ESRRB: variants seen among roughly 807,000 people sequenced by gnomAD.
ESRRB encodes the protein estrogen related receptor beta.
Under a neutral mutation model 46.0 loss-of-function variants are expected in ESRRB, and 16 were observed. That is an observed-to-expected ratio of 0.35 (90% CI 0.24 to 0.53). The LOEUF (loss-of-function observed/expected upper bound fraction) is 0.53. Among genes scored for constraint, ESRRB ranks in the 20% least tolerant of loss-of-function variants. ESRRB has a pLI of 0.93. For synonymous variants in ESRRB, 246 were observed against 259.6 expected (o/e 0.95, Z 0.50); for missense variants, 488 against 607.4 (o/e 0.80, Z 2.07).
chr14:76,499,273 G>A lies in ESRRB; in HGVS notation c.*815G>A, dbSNP rs1056424649. The A allele has an allele frequency of 3.3e-5, 8 of 244,738 alleles. No individual in the cohort carries two copies. Among genetic ancestry groups the A allele is most frequent in the Non-Finnish European group, 6.4e-5 (8 of 124,164 alleles). 15.2% of individuals were successfully genotyped at this position (244,738 alleles called of 1,614,324 possible). A position where few individuals can be genotyped will look rare whatever the true frequency, so the allele number is the denominator to read the frequency against. On this transcript the variant is annotated 3_prime_UTR_variant, in exon 7 of 7. Transcript: ENST00000644823. ...ACGCGCTGGCACAGAGAAGAGCGGG[G>A]ACCACACCATCCTCCCAAGAACCCT... is the stretch of plus-strand genomic sequence containing the variant.
At chr14:76,445,098 G>A (rs1266775527) in intron 2 of ESRRB, among the ~76,000 whole-genome samples, 1 of 151,096 alleles carries the variant, frequency 6.6e-6, no homozygotes. Flanking sequence ...CTTGAGCCCA[G>A]GAGTTTGGAG....
At chr14:76,381,936 T>C (rs893270234) in intron 1 of ESRRB, among the ~76,000 whole-genome samples, 2 of 152,088 alleles carry the variant, frequency 1.3e-5, no homozygotes, top group Non-Finnish European at 2.9e-5. Flanking sequence ...CTCCTATGAG[T>C]GTACTTGTAT....
In ESRRB at chr14:76,498,226, T is replaced by A. The variant is rs771486766; in HGVS notation, c.1133T>A (p.Ile378Asn). 6.2e-7 allele frequency: 1 copy of A among 1,613,594 alleles called. No homozygotes were observed. The highest frequency in any genetic ancestry group is 1.3e-5 in the African/African-American group (1 of 74,882). ...CTTGTGCCTGCAGATTCCATGTACA[T>A]CGAGGATCTAGAGGCTGTCCAGAAG... is the stretch of plus-strand genomic sequence containing the variant. Reference protein sequence around the residue: ...LALANSDSMYIEDLEAVQKLQ... With the variant: ...LALANSDSMYNEDLEAVQKLQ... Residue 378 changes from isoleucine (I) to asparagine (N), a missense_variant, in exon 7 of 7, where the codon ATC (isoleucine) becomes AAC (asparagine). Physicochemically the swap from Ile to Asn is moderately radical, Grantham distance 149. Coordinates refer to ENST00000644823, the MANE Select transcript of ESRRB (RefSeq NM_001379180.1).
intron 1 of ESRRB, among the ~76,000 whole-genome samples, chr14:76,353,236 T>A (rs1884336119): frequency 6.6e-6 from 1 of 152,238 alleles, no homozygotes; most frequent in Non-Finnish European, 1.5e-5. Flanking sequence ...CTTGCCCTCC[T>A]GGTTCTAACC....
intron 2 of ESRRB, among the ~76,000 whole-genome samples, chr14:76,456,866 G>C (rs1888636274): frequency 6.6e-6 from 1 of 152,150 alleles, no homozygotes. Flanking sequence ...AGAGATGAAA[G>C]GGATGGTCCC....
At chr14:76,408,219 G>A (rs771620974) in intron 1 of ESRRB, among the ~76,000 whole-genome samples, 25 of 152,094 alleles carry the variant, frequency 1.6e-4, no homozygotes, top group Middle Eastern at 3.2e-3. Flanking sequence ...AAATTATTCA[G>A]CACCTTCTAC....
At chr14:76,341,297 T>C (rs1384493513) in intron 1 of ESRRB, among the ~76,000 whole-genome samples, 2 of 152,218 alleles carry the variant, frequency 1.3e-5, no homozygotes, top group African/African-American at 4.8e-5. Flanking sequence ...CCTGGGGGCC[T>C]TATGTCCTGC....
intron 2 of ESRRB, among the ~76,000 whole-genome samples, chr14:76,443,769 G>A (rs765957782): frequency 1.3e-5 from 2 of 152,206 alleles, no homozygotes; most frequent in African/African-American, 4.8e-5. Context: ...CCAGGTGTCT[G>A]CGAATGTTCT....
chr14:76,447,868 T>C (rs1345251247), intron 2 of ESRRB, among the ~76,000 whole-genome samples: 1 of 152,166 alleles, frequency 6.6e-6, no homozygotes, highest in African/African-American at 2.4e-5. Context: ...TTCTCCCTGC[T>C]GCCAGGCTCG....
At chr14:76,419,681 G>T (rs988422831) in intron 1 of ESRRB, among the ~76,000 whole-genome samples, 13 of 152,200 alleles carry the variant, frequency 8.5e-5, no homozygotes, top group African/African-American at 3.1e-4. Context: ...CACTTTGAAG[G>T]TCGTATTCTA....
rs45511205 is a variant in ESRRB at position 76,439,850 on chromosome 14, T to C, written c.460+100T>C. 73,878 of 1,346,916 alleles carry C rather than the reference T, an allele frequency of 0.055. 3,066 individuals carry two copies. The highest frequency in any genetic ancestry group is 0.18 in the African/African-American group (12,458 of 69,068). 83.4% of individuals were successfully genotyped at this position (1,346,916 alleles called of 1,614,324 possible). A position where few individuals can be genotyped will look rare whatever the true frequency, so the allele number is the denominator to read the frequency against. ...CTAGGAATTCCCAGAGACTGCCAATTCTGGGCGCTGTTGGAGCGGTACTTC... is the reference window on the plus strand; with the variant it reads ...CTAGGAATTCCCAGAGACTGCCAATCCTGGGCGCTGTTGGAGCGGTACTTC... On this transcript the variant is annotated intron_variant, in intron 2 of 6. Coordinates refer to ENST00000644823, the MANE Select transcript of ESRRB (RefSeq NM_001379180.1).
intron 1 of ESRRB, among the ~76,000 whole-genome samples, chr14:76,381,664 C>A (rs1160001169): frequency 1.3e-5 from 2 of 152,170 alleles, no homozygotes; most frequent in African/African-American, 4.8e-5. Context: ...TGCTCCTGGG[C>A]TCAGCGGGCA....
intron 2 of ESRRB, among the ~76,000 whole-genome samples, chr14:76,462,003 A>G (rs538563898): frequency 6.6e-6 from 1 of 152,238 alleles, no homozygotes; most frequent in East Asian, 1.9e-4. Flanking sequence ...AGAAATTTCA[A>G]CTTGGTCAGA....
At chr14:76,455,591 C>A (rs1039528489) in intron 2 of ESRRB, among the ~76,000 whole-genome samples, 3 of 152,092 alleles carry the variant, frequency 2.0e-5, no homozygotes, top group Non-Finnish European at 4.4e-5. Flanking sequence ...CTTTTTAGTT[C>A]TTTCCTTCTT....
intron 2 of ESRRB, among the ~76,000 whole-genome samples, chr14:76,445,187 C>T (rs915318713): frequency 3.6e-5 from 5 of 137,294 alleles, no homozygotes; most frequent in South Asian, 2.3e-4. Flanking sequence ...AAAAAAAAAG[C>T]GGCCGGGTGC....
chr14:76,413,503 G>A (rs753407967), intron 1 of ESRRB, among the ~76,000 whole-genome samples: 17 of 152,086 alleles, frequency 1.1e-4, no homozygotes, highest in African/African-American at 1.9e-4. Flanking sequence ...CCTTCAAGAC[G>A]TAGGCTAAAC....
intron 2 of ESRRB, among the ~76,000 whole-genome samples, chr14:76,442,562 G>A (rs1039761469): frequency 6.6e-6 from 1 of 152,128 alleles, no homozygotes; most frequent in Admixed American, 6.5e-5. Context: ...GCTTACGTGA[G>A]TTAATATATA....
chr14:76,411,405 G>A lies in ESRRB; in HGVS notation c.51-27936G>A, dbSNP rs189655311. Reference sequence around the variant, plus strand: ...AGAGGATGCAGTGAGCTGAGATTGCGCCACCGAACTCCAGCCTGGACAACA... The same window carrying A: ...AGAGGATGCAGTGAGCTGAGATTGCACCACCGAACTCCAGCCTGGACAACA... On this transcript the variant is annotated intron_variant, in intron 1 of 6. Transcript: ENST00000644823. 4.6e-3 allele frequency among the ~76,000 whole-genome samples: 706 copies of A among 151,986 alleles called. 10 individuals are homozygous for A. Among genetic ancestry groups the A allele is most frequent in the African/African-American group, 0.016 (669 of 41,408 alleles).
intron 1 of ESRRB, among the ~76,000 whole-genome samples, chr14:76,324,604 G>A (rs924250674): frequency 2.0e-5 from 3 of 152,162 alleles, no homozygotes; most frequent in African/African-American, 7.2e-5. Flanking sequence ...CAGGACCCTG[G>A]GTGTTGAAGC....
Sources: allele counts gnomAD v4.1 joint callset (sites outside exome capture counted in the v4.1 genomes callset), GRCh38; gene constraint gnomAD v4.1.1; transcripts MANE v1.5; gene names NCBI Gene and HGNC (gene_info 2026-07-23, HGNC 2026-07-21).